Variants in VAT1L observed in about 807,000 individuals in gnomAD.
VAT1L encodes the protein vesicle amine transport 1 like.
VAT1L carries 34 observed loss-of-function variants against 44.1 expected under a neutral mutation model. That is an observed-to-expected ratio of 0.77 (90% CI 0.59 to 1.03). The LOEUF is 1.03. Among genes scored for constraint, VAT1L ranks in the 50% least tolerant of loss-of-function variants. VAT1L has a pLI of 0.00. For missense variants in VAT1L, 615 were observed against 538.8 expected, an observed-to-expected ratio of 1.14 and a Z score of -1.40; for synonymous variants, 253 against 202.2, an observed-to-expected ratio of 1.25 and a Z score of -2.13.
chr16:77,828,857 T>C (rs1026599823), intron 3 of VAT1L, among the ~76,000 whole-genome samples: 1 of 152,094 alleles, frequency 6.6e-6, no homozygotes, highest in African/African-American at 2.4e-5. Flanking sequence ...ACAACCCTGC[T>C]AAGACCTTCA....
intron 7 of VAT1L, among the ~76,000 whole-genome samples, chr16:77,916,686 A>G (rs1435239184): frequency 6.6e-6 from 1 of 152,068 alleles, no homozygotes; most frequent in Non-Finnish European, 1.5e-5. Flanking sequence ...CACCTATAGA[A>G]TGTCAAAGAA....
chr16:77,978,043 G>A lies in VAT1L; in HGVS notation c.*348G>A, dbSNP rs778710705. 4 of 219,158 alleles carry A rather than the reference G, an allele frequency of 1.8e-5. No homozygotes were observed. The highest frequency in any genetic ancestry group is 3.7e-5 in the Non-Finnish European group (4 of 108,100). The allele number at this position is 219,158 out of a possible 1,614,324, so 13.6% of individuals were successfully genotyped here. On this transcript the variant is annotated 3_prime_UTR_variant, in exon 9 of 9. Coordinates refer to ENST00000302536, the MANE Select transcript of VAT1L (RefSeq NM_020927.3). ...CCAGACGTGGGCAAAGACAAGTTTG[G>A]ATGGAAAGGTGTTATCACAGAGCCC...
chr16:77,896,861 T>C (rs1476656493), intron 7 of VAT1L, among the ~76,000 whole-genome samples: 1 of 152,192 alleles, frequency 6.6e-6, no homozygotes. Flanking sequence ...CAGATGAAAA[T>C]ACTTCACAAA....
intron 7 of VAT1L, among the ~76,000 whole-genome samples, chr16:77,910,443 C>A (rs145286909): frequency 6.6e-6 from 1 of 151,944 alleles, no homozygotes; most frequent in South Asian, 2.1e-4. Flanking sequence ...GAGGCCGAGG[C>A]GGGCGAATCA....
intron 3 of VAT1L, among the ~76,000 whole-genome samples, chr16:77,841,655 C>A (rs2016707216): frequency 6.6e-6 from 1 of 152,106 alleles, no homozygotes; most frequent in Non-Finnish European, 1.5e-5. Flanking sequence ...TTAGAGTGGG[C>A]TTCATTGTTC....
chr16:77,901,443 C>T (rs1471206001), intron 7 of VAT1L, among the ~76,000 whole-genome samples: 4 of 152,016 alleles, frequency 2.6e-5, no homozygotes, highest in Non-Finnish European at 2.9e-5. Context: ...GGATTACAGG[C>T]GTGAGCCACC....
Position 77,963,061 on chromosome 16 carries a change from T to C in VAT1L, c.1078-8789T>C, listed in dbSNP as rs192009144. On this transcript the variant is annotated intron_variant, in intron 7 of 8. Coordinates refer to ENST00000302536, the MANE Select transcript of VAT1L (RefSeq NM_020927.3). ...TCAAGTTTTCTCCTAAAGAGGCTTC[T>C]AGTGGATCCAGTAACTGTGTCAGAT... Among the ~76,000 whole-genome samples the C allele has an allele frequency of 1.5e-3, 222 of 152,364 alleles. 1 individual carries two copies. The highest frequency in any genetic ancestry group is 2.3e-3 in the Non-Finnish European group (159 of 68,030).
chr16:77,900,601 G>A (rs948682565), intron 7 of VAT1L, among the ~76,000 whole-genome samples: 6 of 151,238 alleles, frequency 4.0e-5, no homozygotes, highest in African/African-American at 7.3e-5. Flanking sequence ...AGGCTGAGGC[G>A]CGAGAATCAC....
chr16:77,963,356 C>G (rs532564333), intron 7 of VAT1L, among the ~76,000 whole-genome samples: 2 of 152,032 alleles, frequency 1.3e-5, no homozygotes, highest in African/African-American at 4.8e-5. Context: ...GCTTTGAAGA[C>G]GGTGGGAGGG....
At chr16:77,959,857 G>A (rs375087959) in intron 7 of VAT1L, among the ~76,000 whole-genome samples, 4 of 152,284 alleles carry the variant, frequency 2.6e-5, no homozygotes, top group East Asian at 3.9e-4. Context: ...TTGGAATGTA[G>A]TAACCAAAGT....
chr16:77,790,499 T>G (rs2015814250), intron 1 of VAT1L, among the ~76,000 whole-genome samples: 7 of 152,158 alleles, frequency 4.6e-5, no homozygotes. Context: ...GGAGGATTGT[T>G]GGGTCATTAT....
Position 77,977,859 on chromosome 16 carries a change from G to T in VAT1L, c.*164G>T, listed in dbSNP as rs1035742912. On this transcript the variant is annotated 3_prime_UTR_variant, in exon 9 of 9. Transcript: ENST00000302536. Reference sequence around the variant, plus strand: ...CTGTTGATCACTGTTGTTTTTTGAAGTGCCAATCCCATGCCATGCAGTATT... The same window carrying T: ...CTGTTGATCACTGTTGTTTTTTGAATTGCCAATCCCATGCCATGCAGTATT... 2 of 653,384 alleles carry T rather than the reference G, an allele frequency of 3.1e-6. No homozygotes were observed. The highest frequency in any genetic ancestry group is 5.4e-6 in the Non-Finnish European group (2 of 368,722). The allele number at this position is 653,384 out of a possible 1,614,324, so 40.5% of individuals were successfully genotyped here.
At chr16:77,824,143 G>A (rs2016491572) in intron 2 of VAT1L, among the ~76,000 whole-genome samples, 1 of 152,212 alleles carries the variant, frequency 6.6e-6, no homozygotes, top group Non-Finnish European at 1.5e-5. Context: ...CCTAAAGGAA[G>A]GACAGAAGTT....
chr16:77,905,439 C>T (rs1381919584), intron 7 of VAT1L, among the ~76,000 whole-genome samples: 6 of 152,060 alleles, frequency 3.9e-5, no homozygotes, highest in Non-Finnish European at 1.5e-5. Flanking sequence ...TTCAGAAGTT[C>T]CCTGAAGGCA....
chr16:77,847,941 G>A (rs1324209398), intron 3 of VAT1L, among the ~76,000 whole-genome samples: 1 of 152,170 alleles, frequency 6.6e-6, no homozygotes, highest in Non-Finnish European at 1.5e-5. Context: ...GTTCTGCTGT[G>A]CCACGTTTAA....
At chr16:77,944,571 C>T (rs570157609) in intron 7 of VAT1L, among the ~76,000 whole-genome samples, 1 of 152,248 alleles carries the variant, frequency 6.6e-6, no homozygotes, top group South Asian at 2.1e-4. Flanking sequence ...AGAAATAATG[C>T]ACCTGTCTTG....
At chr16:77,913,827 A>T (rs1315037898) in intron 7 of VAT1L, among the ~76,000 whole-genome samples, 1 of 152,214 alleles carries the variant, frequency 6.6e-6, no homozygotes, top group Non-Finnish European at 1.5e-5. Flanking sequence ...ATTAGGACAT[A>T]AAAATACAAT....
At chr16:77,908,464 C>CA (rs11418351) in intron 7 of VAT1L, among the ~76,000 whole-genome samples, 22,480 of 39,340 alleles carry the variant, frequency 0.57, 7,894 homozygotes, top group East Asian at 0.68. Flanking sequence ...GGTTCTGTCT[C>CA]AAAAAAAAAA....
chr16:77,929,479 C>G (rs2017704558), intron 7 of VAT1L, among the ~76,000 whole-genome samples: 1 of 152,156 alleles, frequency 6.6e-6, no homozygotes, highest in Non-Finnish European at 1.5e-5. Flanking sequence ...CAATTCTCAG[C>G]TCCAGCAAAT....
Sources: allele counts gnomAD v4.1 joint callset (sites outside exome capture counted in the v4.1 genomes callset), GRCh38; gene constraint gnomAD v4.1.1; transcripts MANE v1.5; gene names NCBI Gene and HGNC (gene_info 2026-07-23, HGNC 2026-07-21).